Variants in NRG1 observed in about 807,000 individuals in gnomAD.
The protein encoded by NRG1 is neuregulin 1.
NRG1 carries 18 observed loss-of-function variants against 63.8 expected under a neutral mutation model. That is an observed-to-expected ratio of 0.28 (90% confidence interval 0.19 to 0.42). The LOEUF (loss-of-function observed/expected upper bound fraction) is 0.42, where lower values mean the gene tolerates loss of function less well. Ranked by LOEUF, NRG1 falls within the 10% of genes least tolerant of loss-of-function variation. The pLI is 1.00. For synonymous variants in NRG1, 302 were observed against 301.3 expected, an observed-to-expected ratio of 1.00 and a Z score of -0.02; for missense variants, 762 against 814.7, an observed-to-expected ratio of 0.94 and a Z score of 0.79.
At chr8:32,244,691 G>A (rs1487189386) in intron 1 of NRG1, among the ~76,000 whole-genome samples, 1 of 152,204 alleles carries the variant, frequency 6.6e-6, no homozygotes, top group African/African-American at 2.4e-5. Context: ...CAACATAGAG[G>A]TGATCATCAG....
intron 5 of NRG1, among the ~76,000 whole-genome samples, chr8:32,649,619 A>G (rs919452315): frequency 2.0e-5 from 3 of 152,240 alleles, no homozygotes; most frequent in Admixed American, 6.5e-5. Flanking sequence ...AGTGTGAAGT[A>G]GTGCAGCATG....
At chr8:32,025,052 G>A (rs1458133203) in intron 1 of NRG1, among the ~76,000 whole-genome samples, 6 of 152,172 alleles carry the variant, frequency 3.9e-5, no homozygotes, top group Non-Finnish European at 8.8e-5. Context: ...TGTTGGAGGA[G>A]ACAGATCTGT....
chr8:32,356,942 T>A (rs115432825), intron 1 of NRG1, among the ~76,000 whole-genome samples: 1 of 152,338 alleles, frequency 6.6e-6, no homozygotes, highest in African/African-American at 2.4e-5. Context: ...AGGGGAAAGG[T>A]CTGTTGGTGA....
At chr8:31,660,493 A>G (rs560870371) in intron 1 of NRG1, among the ~76,000 whole-genome samples, 13 of 152,338 alleles carry the variant, frequency 8.5e-5, no homozygotes, top group African/African-American at 3.1e-4. Context: ...GATGATTTGC[A>G]GAAGAATGTT....
At chr8:32,455,968 G>C (rs1026940556) in intron 1 of NRG1, among the ~76,000 whole-genome samples, 1 of 152,170 alleles carries the variant, frequency 6.6e-6, no homozygotes, top group African/African-American at 2.4e-5. Flanking sequence ...ATTTTTAGCA[G>C]AGACAGGTTT....
intron 1 of NRG1, among the ~76,000 whole-genome samples, chr8:32,483,908 T>A (rs550449798): frequency 2.0e-5 from 3 of 152,036 alleles, no homozygotes; most frequent in South Asian, 4.2e-4. Flanking sequence ...ATCGAGACCA[T>A]CCTGGCTAAC....
chr8:32,362,177 A>C (rs1807307172), intron 1 of NRG1, among the ~76,000 whole-genome samples: 1 of 152,204 alleles, frequency 6.6e-6, no homozygotes, highest in Non-Finnish European at 1.5e-5. Context: ...TGTACATTGC[A>C]GCCCTCATCA....
At chr8:32,612,805 C>T (rs1322644804) in intron 3 of NRG1, among the ~76,000 whole-genome samples, 1 of 151,890 alleles carries the variant, frequency 6.6e-6, no homozygotes, top group Non-Finnish European at 1.5e-5. Context: ...CTTGGGTTTA[C>T]GACTTCATCT....
chr8:31,706,295 T>A (rs1245810402), intron 1 of NRG1, among the ~76,000 whole-genome samples: 1 of 152,170 alleles, frequency 6.6e-6, no homozygotes, highest in Non-Finnish European at 1.5e-5. Flanking sequence ...TTACAAAAAA[T>A]GTAGCACATT....
upstream of NRG1, among the ~76,000 whole-genome samples, chr8:32,543,277 G>A (rs1832748875): frequency 6.6e-6 from 1 of 152,010 alleles, no homozygotes; most frequent in Non-Finnish European, 1.5e-5. Flanking sequence ...ATAAACAGAT[G>A]TATACACATG....
intron 5 of NRG1, among the ~76,000 whole-genome samples, chr8:32,625,240 T>A (rs535650022): frequency 6.6e-6 from 1 of 152,154 alleles, no homozygotes; most frequent in East Asian, 1.9e-4. Context: ...AGTGTTGGAA[T>A]GCCACTTTTC....
intron 1 of NRG1, among the ~76,000 whole-genome samples, chr8:32,563,520 T>C (rs1354715935): frequency 6.6e-6 from 1 of 152,200 alleles, no homozygotes; most frequent in Non-Finnish European, 1.5e-5. Context: ...AGAAACTGGG[T>C]ACTGGTTATG....
At chr8:32,200,025 C>T (rs1843344781) in intron 1 of NRG1, among the ~76,000 whole-genome samples, 2 of 152,128 alleles carry the variant, frequency 1.3e-5, no homozygotes, top group African/African-American at 2.4e-5. Flanking sequence ...ATGATCTGCC[C>T]GTCTCAGCCT....
At chr8:31,649,699 A>G (rs1321170797) in intron 1 of NRG1, among the ~76,000 whole-genome samples, 1 of 152,230 alleles carries the variant, frequency 6.6e-6, no homozygotes, top group Non-Finnish European at 1.5e-5. Flanking sequence ...CTTAGAAATA[A>G]AAACAATGAA....
intron 1 of NRG1, among the ~76,000 whole-genome samples, chr8:32,156,323 C>T (rs759421699): frequency 5.3e-5 from 8 of 152,210 alleles, no homozygotes; most frequent in Non-Finnish European, 8.8e-5. Flanking sequence ...GGTCAGTTCC[C>T]TCCATCATGC....
chr8:31,805,107 T>C (rs1240623205), intron 1 of NRG1, among the ~76,000 whole-genome samples: 1 of 152,206 alleles, frequency 6.6e-6, no homozygotes, highest in Non-Finnish European at 1.5e-5. Context: ...GTAAAATTAT[T>C]TTATTATTAG....
At chr8:31,724,915 A>G (rs994667081) in intron 1 of NRG1, among the ~76,000 whole-genome samples, 1 of 152,202 alleles carries the variant, frequency 6.6e-6, no homozygotes. Flanking sequence ...TGTGAACCAT[A>G]GGTCTCTGTT....
In NRG1 at chr8:31,657,889, T is replaced by A. The variant is rs541116282; in HGVS notation, c.37+18458T>A. ...CTGCTGTGTAGAACCACGACAAGGCTGGGAACAAGAAGGTCTGGATAGAAT... is the reference window on the plus strand; with the variant it reads ...CTGCTGTGTAGAACCACGACAAGGCAGGGAACAAGAAGGTCTGGATAGAAT... On this transcript the variant is annotated intron_variant, in intron 1 of 10. Coordinates refer to the NRG1 transcript ENST00000519301. Among the ~76,000 whole-genome samples, 11 of 152,264 alleles carry A rather than the reference T, an allele frequency of 7.2e-5. No individual in the cohort carries two copies. The East Asian group carries it at 2.1e-3, about 29-fold the overall frequency.
chr8:31,779,549 T>C (rs1819480058), intron 1 of NRG1, among the ~76,000 whole-genome samples: 1 of 152,154 alleles, frequency 6.6e-6, no homozygotes, highest in Non-Finnish European at 1.5e-5. Flanking sequence ...TCCACTGTAA[T>C]AGAAAAAGCA....
Sources: gnomAD v4.1 joint callset for allele counts (sites outside exome capture counted in the v4.1 genomes callset) on GRCh38, gnomAD v4.1.1 for gene constraint, MANE v1.5 for transcripts, NCBI Gene and HGNC (gene_info 2026-07-23, HGNC 2026-07-21) for gene names.